The following ADGRL3 variants were observed in gnomAD, a reference collection of about 807,000 sequenced individuals.
The protein encoded by ADGRL3 is calcium-independent alpha-latrotoxin receptor 3.
Under a neutral mutation model 153.5 loss-of-function variants are expected in ADGRL3, and 62 were observed. The ratio of observed to expected loss-of-function variants is 0.40; its 90% confidence interval spans 0.33 to 0.50. The LOEUF is 0.50. Ranked by LOEUF, ADGRL3 falls within the 20% of genes least tolerant of loss-of-function variation. ADGRL3 has a pLI of 0.47. For missense variants in ADGRL3, 1,641 were observed against 1,859.4 expected, an observed-to-expected ratio of 0.88 and a Z score of 2.16; for synonymous variants, 710 against 672.5, an observed-to-expected ratio of 1.06 and a Z score of -0.86.
intron 5 of ADGRL3, among the ~76,000 whole-genome samples, chr4:61,634,706 G>A (rs1167499137): frequency 1.3e-5 from 2 of 152,094 alleles, no homozygotes; most frequent in African/African-American, 4.8e-5. Context: ...GATGTAGAAA[G>A]TTATAAAAAG....
chr4:61,297,171 G>C (rs1183115547), intron 1 of ADGRL3, among the ~76,000 whole-genome samples: 1 of 152,070 alleles, frequency 6.6e-6, no homozygotes, highest in Non-Finnish European at 1.5e-5. Context: ...GATTGCATGG[G>C]TAACAAGTTT....
chr4:61,262,220 T>C (rs1337268937), intron 1 of ADGRL3, among the ~76,000 whole-genome samples: 1 of 152,188 alleles, frequency 6.6e-6, no homozygotes, highest in African/African-American at 2.4e-5. Context: ...GACAATGTAA[T>C]TATAATACAT....
intron 25 of ADGRL3, among the ~76,000 whole-genome samples, chr4:62,057,885 G>A (rs940479717): frequency 1.3e-5 from 2 of 152,030 alleles, no homozygotes; most frequent in Non-Finnish European, 2.9e-5. Context: ...CACCATGCTG[G>A]CCAGGCTGAT....
In ADGRL3 at chr4:61,886,694, T is replaced by C. The variant is rs866720530; in HGVS notation, c.1481-5962T>C. Among the ~76,000 whole-genome samples the C allele has an allele frequency of 6.6e-5, 10 of 152,242 alleles. No homozygotes were observed. In the South Asian group the frequency reaches 1.4e-3, roughly 22 times the overall value. On this transcript the variant is annotated intron_variant, in intron 9 of 26. Coordinates refer to ENST00000683033, the MANE Select transcript of ADGRL3 (RefSeq NM_001387552.1). ...TCTCACTCTGTCGCCCAGGCTGTAG[T>C]GCAGTGGGGCAACCTGGGTTCACTT... is the stretch of plus-strand genomic sequence containing the variant.
chr4:61,543,512 C>G (rs2098700350), intron 4 of ADGRL3, among the ~76,000 whole-genome samples: 1 of 152,180 alleles, frequency 6.6e-6, no homozygotes, highest in Non-Finnish European at 1.5e-5. Flanking sequence ...AGATTTTTGA[C>G]CTGCAGAACT....
chr4:61,804,212 C>G (rs1231384426), intron 8 of ADGRL3, among the ~76,000 whole-genome samples: 5 of 152,110 alleles, frequency 3.3e-5, no homozygotes, highest in Non-Finnish European at 7.4e-5. Context: ...TTAGGTCATT[C>G]TGATCCCATT....
intron 8 of ADGRL3, among the ~76,000 whole-genome samples, chr4:61,804,963 A>ATTTTTTTTT: frequency 6.9e-6 from 1 of 144,022 alleles, no homozygotes; most frequent in Non-Finnish European, 1.5e-5. Context: ...TTATTTATTT[A>ATTTTTTTTT]TTTTTTTTTT....
At chr4:61,673,947 C>A (rs2150845990) in intron 5 of ADGRL3, among the ~76,000 whole-genome samples, 1 of 151,142 alleles carries the variant, frequency 6.6e-6, no homozygotes, top group South Asian at 2.1e-4. Context: ...GTTTTATATA[C>A]CACTGAACAG....
chr4:62,053,990 TGTGA>T (rs1260098137), intron 25 of ADGRL3, among the ~76,000 whole-genome samples: 1 of 151,636 alleles, frequency 6.6e-6, no homozygotes, highest in African/African-American at 2.4e-5. Context: ...ACAAGCAATG[TGTGA>T]GTAACAGATA....
chr4:61,548,910 C>G (rs982684396), intron 4 of ADGRL3, among the ~76,000 whole-genome samples: 2 of 151,918 alleles, frequency 1.3e-5, no homozygotes, highest in African/African-American at 2.4e-5. Context: ...AGTGTTGAAT[C>G]TGTACATTGA....
chr4:61,616,741 T>TA (rs1396128857), intron 5 of ADGRL3, among the ~76,000 whole-genome samples: 2 of 152,292 alleles, frequency 1.3e-5, no homozygotes, highest in African/African-American at 4.8e-5. Context: ...GTGCCTAATA[T>TA]AAAAAAATTA....
At chr4:61,394,382 T>G (rs2096846223) in intron 2 of ADGRL3, among the ~76,000 whole-genome samples, 1 of 152,050 alleles carries the variant, frequency 6.6e-6, no homozygotes, top group South Asian at 2.1e-4. Flanking sequence ...GATGGATGGC[T>G]GGATCGGATA....
intron 4 of ADGRL3, among the ~76,000 whole-genome samples, chr4:61,552,235 T>C (rs2098743691): frequency 6.6e-6 from 1 of 152,194 alleles, no homozygotes; most frequent in African/African-American, 2.4e-5. Flanking sequence ...TCAGGCACTG[T>C]CTCAGCATTT....
At chr4:61,763,085 T>C (rs2096931787) in intron 8 of ADGRL3, among the ~76,000 whole-genome samples, 1 of 152,190 alleles carries the variant, frequency 6.6e-6, no homozygotes, top group Non-Finnish European at 1.5e-5. Flanking sequence ...TCTTTTTAAA[T>C]CAAAAACACA....
intron 2 of ADGRL3, among the ~76,000 whole-genome samples, chr4:61,467,929 A>G (rs1193500151): frequency 1.3e-5 from 2 of 152,120 alleles, no homozygotes; most frequent in African/African-American, 2.4e-5. Flanking sequence ...AATTTAACCT[A>G]TATAAACTGA....
Position 61,442,786 on chromosome 4 carries a change from G to A in ADGRL3, c.-173-54335G>A, listed in dbSNP as rs147992945. Among the ~76,000 whole-genome samples, 14 of 152,092 alleles carry A rather than the reference G, an allele frequency of 9.2e-5. No individual in the cohort carries two copies. In the East Asian group the frequency reaches 2.7e-3, roughly 29 times the overall value. The stretch of plus-strand genomic sequence containing the variant: ...TAATATCTGGGTTATTCAAAGTTAA[G>A]ATATGATTATGCACCTTAATAATTT... On this transcript the variant is annotated intron_variant, in intron 2 of 26. Transcript: ENST00000683033.
rs745500226 is a variant in ADGRL3 at position 61,813,804 on chromosome 4, C to A, written c.1400-5C>A. The A allele has an allele frequency of 3.1e-6, 5 of 1,601,798 alleles. No homozygotes were observed. In the Admixed American group the frequency reaches 5.0e-5, roughly 16 times the overall value. ...TCTTCTTAACAATTTGTTTTGGGTC[C>A]ACAGGGCAGGCACATCATGGACAAG... On this transcript the variant is annotated splice_region_variant and splice_polypyrimidine_tract_variant and intron_variant, in intron 8 of 26. Coordinates refer to ENST00000683033, the MANE Select transcript of ADGRL3 (RefSeq NM_001387552.1).
intron 21 of ADGRL3, among the ~76,000 whole-genome samples, chr4:62,002,622 C>T (rs2099144474): frequency 6.6e-6 from 1 of 151,366 alleles, no homozygotes; most frequent in African/African-American, 2.4e-5. Context: ...TGAGGTATGC[C>T]AAGTCTTGGA....
Position 61,641,507 on chromosome 4 carries a change from A to G in ADGRL3, c.474-35319A>G, listed in dbSNP as rs548396580. Among the ~76,000 whole-genome samples, 451 of 141,104 alleles carry G rather than the reference A, an allele frequency of 3.2e-3. 3 individuals carry two copies. The highest frequency in any genetic ancestry group is 0.011 in the African/African-American group (429 of 37,712). The allele number at this position is 141,104 out of a possible 152,430, so 92.6% of individuals were successfully genotyped here. On this transcript the variant is annotated intron_variant, in intron 5 of 26. Transcript: ENST00000683033. Reference sequence around the variant, plus strand: ...TGTGTCCATGTGTTCTCATTGTTCAATTCCCACCTATGAGTGAGAATATGC... The same window carrying G: ...TGTGTCCATGTGTTCTCATTGTTCAGTTCCCACCTATGAGTGAGAATATGC...
Sources: allele counts gnomAD v4.1 joint callset (sites outside exome capture counted in the v4.1 genomes callset), GRCh38; gene constraint gnomAD v4.1.1; transcripts MANE v1.5; gene names NCBI Gene and HGNC (gene_info 2026-07-23, HGNC 2026-07-21).